GRM8: variants seen among roughly 807,000 people sequenced by gnomAD.
GRM8 encodes the protein metabotropic glutamate receptor 8.
GRM8 carries 47 observed loss-of-function variants against 87.2 expected under a neutral mutation model. The observed-to-expected ratio is 0.54, with a 90% CI of 0.43 to 0.69. GRM8 has a LOEUF of 0.69. Among genes scored for constraint, GRM8 ranks in the 30% least tolerant of loss-of-function variants. The probability of loss-of-function intolerance (pLI) is 0.00; values close to 1 mark genes in which losing one functional copy is unlikely to be tolerated. For synonymous variants in GRM8, 396 were observed against 404.5 expected (o/e 0.98, Z 0.25); for missense variants, 1,019 against 1,139.2 (o/e 0.89, Z 1.52).
intron 6 of GRM8, among the ~76,000 whole-genome samples, chr7:126,826,159 T>G (rs1041586593): frequency 6.6e-6 from 1 of 152,164 alleles, no homozygotes; most frequent in Admixed American, 6.5e-5. Context: ...TTTGCTATTG[T>G]GAATAGTGCC....
At chr7:126,737,330 C>T (rs1312795870) in intron 7 of GRM8, among the ~76,000 whole-genome samples, 1 of 151,892 alleles carries the variant, frequency 6.6e-6, no homozygotes, top group Non-Finnish European at 1.5e-5. Context: ...AAGACAGCTT[C>T]GACTCCTTAC....
intron 2 of GRM8, among the ~76,000 whole-genome samples, chr7:127,202,798 A>G (rs983745030): frequency 9.2e-5 from 14 of 152,168 alleles, no homozygotes; most frequent in Admixed American, 7.9e-4. Context: ...ACCTCTTTAA[A>G]TATGCCGGTT....
At chr7:127,129,450 C>T (rs991485325) in intron 2 of GRM8, among the ~76,000 whole-genome samples, 1 of 152,150 alleles carries the variant, frequency 6.6e-6, no homozygotes, top group Non-Finnish European at 1.5e-5. Flanking sequence ...TTATTATATA[C>T]TGAAAATATA....
chr7:127,243,297 A>AC lies in GRM8; in HGVS notation c.-94dup. 8.7e-7 allele frequency: 1 copy of AC among 1,147,384 alleles called. No homozygotes were observed. Among genetic ancestry groups the AC allele is most frequent in the Non-Finnish European group, 1.2e-6 (1 of 809,796 alleles). 71.1% of individuals were successfully genotyped at this position (1,147,384 alleles called of 1,614,324 possible). Reference sequence around the variant, plus strand: ...CCTGAGGCTGCACCTTCTGGAGGCTACCATCAGGGCCCATGGGGAAAAGGC... The same window carrying AC: ...CCTGAGGCTGCACCTTCTGGAGGCTACCCATCAGGGCCCATGGGGAAAAGGC... On this transcript the variant is annotated 5_prime_UTR_variant, in exon 2 of 11. It introduces an in-frame stop codon into an upstream open reading frame of the 5' UTR. Coordinates refer to ENST00000339582, the MANE Select transcript of GRM8 (RefSeq NM_000845.3).
intron 7 of GRM8, among the ~76,000 whole-genome samples, chr7:126,655,594 C>T (rs901209400): frequency 2.6e-5 from 4 of 152,122 alleles, no homozygotes; most frequent in African/African-American, 4.8e-5. Flanking sequence ...TCATCTTAAA[C>T]CATGCTTATC....
At chr7:126,908,251 T>C in intron 3 of GRM8, among the ~76,000 whole-genome samples, 1 of 152,140 alleles carries the variant, frequency 6.6e-6, no homozygotes, top group Non-Finnish European at 1.5e-5. Context: ...AGGTGAATTA[T>C]AGAACTCTGA....
chr7:127,245,081 C>T (rs1201650902), intron 1 of GRM8, among the ~76,000 whole-genome samples: 2 of 152,198 alleles, frequency 1.3e-5, no homozygotes, highest in African/African-American at 2.4e-5. Context: ...ATCTGTGATT[C>T]AATAACAGCC....
At chr7:126,712,924 A>T (rs1003567352) in intron 7 of GRM8, among the ~76,000 whole-genome samples, 1 of 152,208 alleles carries the variant, frequency 6.6e-6, no homozygotes, top group Non-Finnish European at 1.5e-5. Flanking sequence ...TAGAATGGTG[A>T]TCATTAAAAA....
At chr7:127,067,421 C>T (rs774953638) in intron 3 of GRM8, among the ~76,000 whole-genome samples, 3 of 152,092 alleles carry the variant, frequency 2.0e-5, no homozygotes, top group African/African-American at 4.8e-5. Context: ...AGAATTCTAC[C>T]CAATCAAGAA....
intron 9 of GRM8, among the ~76,000 whole-genome samples, chr7:126,464,877 G>C (rs1804313424): frequency 6.6e-6 from 1 of 151,562 alleles, no homozygotes; most frequent in Admixed American, 6.6e-5. Flanking sequence ...TGTTGTAGTT[G>C]TTATTTTTAA....
At chr7:126,488,806 A>T in intron 9 of GRM8, among the ~76,000 whole-genome samples, 1 of 152,114 alleles carries the variant, frequency 6.6e-6, no homozygotes, top group African/African-American at 2.4e-5. Context: ...TATTCTGCAC[A>T]GTTATGCATA....
intron 3 of GRM8, among the ~76,000 whole-genome samples, chr7:126,944,741 C>T (rs1204556): frequency 0.74 from 112,625 of 152,058 alleles, 41,852 homozygotes; most frequent in East Asian, 0.97. Flanking sequence ...ACACAGATAA[C>T]TAGTCTCCAA....
intron 6 of GRM8, among the ~76,000 whole-genome samples, chr7:126,779,482 T>C (rs2151634802): frequency 6.6e-6 from 1 of 152,246 alleles, no homozygotes; most frequent in East Asian, 1.9e-4. Context: ...ATTAGTCTAA[T>C]AGTCTTTATA....
chr7:127,023,860 G>T (rs1453553017), intron 3 of GRM8, among the ~76,000 whole-genome samples: 1 of 152,046 alleles, frequency 6.6e-6, no homozygotes, highest in Non-Finnish European at 1.5e-5. Context: ...AACCCACTAT[G>T]TAACACAAAA....
intron 6 of GRM8, among the ~76,000 whole-genome samples, chr7:126,798,433 T>C (rs192260619): frequency 2.0e-5 from 3 of 152,096 alleles, no homozygotes; most frequent in Non-Finnish European, 1.5e-5. Context: ...GACATGGCCA[T>C]GGCCACCTCA....
chr7:126,883,732 A>G (rs1029786226), intron 6 of GRM8, among the ~76,000 whole-genome samples: 7 of 152,196 alleles, frequency 4.6e-5, no homozygotes, highest in Non-Finnish European at 1.0e-4. Flanking sequence ...CAGAAGAATC[A>G]AATTCACAGA....
chr7:127,100,314 C>G (rs1451254384), intron 3 of GRM8, among the ~76,000 whole-genome samples: 1 of 152,148 alleles, frequency 6.6e-6, no homozygotes. Context: ...TGAAACACTG[C>G]TCATCATCCT....
chr7:126,754,198 C>A (rs973311521), intron 7 of GRM8, among the ~76,000 whole-genome samples: 1 of 151,762 alleles, frequency 6.6e-6, no homozygotes, highest in African/African-American at 2.4e-5. Flanking sequence ...AAATAGAATA[C>A]CTAAACTTGT....
intron 3 of GRM8, among the ~76,000 whole-genome samples, chr7:127,079,279 CG>C (rs1554586163): frequency 6.6e-6 from 1 of 152,082 alleles, no homozygotes; most frequent in Non-Finnish European, 1.5e-5. Context: ...CCCATCACCA[CG>C]CCTGGCTAAT....
Sources: gnomAD v4.1 joint callset for allele counts (sites outside exome capture counted in the v4.1 genomes callset) on GRCh38, gnomAD v4.1.1 for gene constraint, MANE v1.5 for transcripts, NCBI Gene and HGNC (gene_info 2026-07-23, HGNC 2026-07-21) for gene names.